UBAP2: variants seen among roughly 807,000 people sequenced by gnomAD.
UBAP2 encodes the protein ubiquitin associated protein 2.
A neutral mutation model predicts 139.6 loss-of-function variants in UBAP2; 75 were observed. The observed-to-expected ratio is 0.54, with a 90% CI of 0.45 to 0.65. UBAP2 has a LOEUF of 0.65. Ranked by LOEUF, UBAP2 falls within the 30% of genes least tolerant of loss-of-function variation. The pLI, the probability that UBAP2 is intolerant of heterozygous loss-of-function variation, is 0.00. For missense variants in UBAP2, 1,368 were observed against 1,369.6 expected (o/e 1.00, Z 0.02); for synonymous variants, 526 against 526.2 (o/e 1.00, Z 0.01).
intron 11 of UBAP2, among the ~76,000 whole-genome samples, chr9:33,954,300 A>ACACACACACACACG (rs1174432443): frequency 6.6e-6 from 1 of 150,642 alleles, no homozygotes; most frequent in African/African-American, 2.5e-5. Flanking sequence ...ACACACACAC[A>ACACACACACACACG]CGCCCATATA....
chr9:34,016,254 G>A (rs71485628), intron 2 of UBAP2, among the ~76,000 whole-genome samples: 56 of 20,608 alleles, frequency 2.7e-3, no homozygotes, highest in Non-Finnish European at 4.1e-3. Context: ...AAGAGGAGGA[G>A]GAGGAAGAGG....
chr9:33,941,956 C>T, intron 15 of UBAP2, 94 bp from the exon 16 acceptor site: 1 of 827,676 alleles, frequency 1.2e-6, no homozygotes, highest in Non-Finnish European at 1.9e-6. Flanking sequence ...GATGCAACTA[C>T]TGCATCAATT....
chr9:34,022,295 C>A (rs1279381614), intron 1 of UBAP2, among the ~76,000 whole-genome samples: 1 of 151,938 alleles, frequency 6.6e-6, no homozygotes, highest in Non-Finnish European at 1.5e-5. Flanking sequence ...TCTGCAATTC[C>A]ATCTTAAGTA....
chr9:33,926,491 T>TG, intron 22 of UBAP2, 126 bp downstream of exon 22: 1 of 1,007,502 alleles, frequency 9.9e-7, no homozygotes, highest in Non-Finnish European at 1.6e-6. Context: ...TTCTCAGTAG[T>TG]GGTGCTGAGA....
intron 11 of UBAP2, among the ~76,000 whole-genome samples, chr9:33,954,269 T>TACAC (rs60078088): frequency 6.5e-4 from 91 of 139,912 alleles, no homozygotes; most frequent in East Asian, 1.2e-3. Context: ...TGTGTGTATA[T>TACAC]ACACACACAC....
At chr9:34,017,608 C>T (rs2131281097) in intron 1 of UBAP2, among the ~76,000 whole-genome samples, 1 of 152,250 alleles carries the variant, frequency 6.6e-6, no homozygotes, top group East Asian at 1.9e-4. Flanking sequence ...AAGCAAAAGT[C>T]AGCTGTAAAT....
intron 6 of UBAP2, among the ~76,000 whole-genome samples, chr9:33,976,875 G>A (rs997524496): frequency 6.6e-6 from 1 of 150,912 alleles, no homozygotes; most frequent in Non-Finnish European, 1.5e-5. Flanking sequence ...AGCCAGACAT[G>A]GTGGCGCATG....
At chr9:33,950,786 A>G (rs1475413952) in intron 12 of UBAP2, among the ~76,000 whole-genome samples, 1 of 152,248 alleles carries the variant, frequency 6.6e-6, no homozygotes, top group Non-Finnish European at 1.5e-5. Flanking sequence ...CAGCGAAATC[A>G]CTGAATCAAT....
chr9:33,986,553 G>T (rs922097994), intron 6 of UBAP2, among the ~76,000 whole-genome samples: 2 of 152,100 alleles, frequency 1.3e-5, no homozygotes, highest in African/African-American at 4.8e-5. Context: ...GGCTTTCTCA[G>T]CTCATCCAAA....
Position 33,927,988 on chromosome 9 carries a change from G to A in UBAP2, c.2180C>T (p.Ala727Val), listed in dbSNP as rs1823618514. 2 of 1,610,122 alleles carry A rather than the reference G, an allele frequency of 1.2e-6. No individual in the cohort carries two copies. Among genetic ancestry groups the A allele is most frequent in the African/African-American group, 2.7e-5 (2 of 74,854 alleles). Residue 727 changes from alanine (A) to valine (V), a missense_variant, in exon 20 of 29, where the codon GCC becomes GTC. Transcript: ENST00000379238. Reference sequence around the variant, plus strand: ...GTGGGAAGAGGCGCTCTCCACACTGGCATGCTGGCAAAAGAAAAGCCAGGA... The same window carrying A: ...GTGGGAAGAGGCGCTCTCCACACTGACATGCTGGCAAAAGAAAAGCCAGGA... ...ALSSSTSHTH[A>V]SVESASSHQS...
chr9:33,926,492 G>A, intron 22 of UBAP2, 125 bp downstream of exon 22: 3 of 1,016,976 alleles, frequency 2.9e-6, no homozygotes, highest in Non-Finnish European at 4.7e-6. Context: ...TCTCAGTAGT[G>A]GTGCTGAGAG....
At chr9:33,932,805 G>T (rs921012703) in intron 18 of UBAP2, among the ~76,000 whole-genome samples, 177 bp from the exon 19 acceptor site, 1 of 152,172 alleles carries the variant, frequency 6.6e-6, no homozygotes, top group South Asian at 2.1e-4. Context: ...CCTGGTGGAC[G>T]GGAATGACTC....
At chr9:33,958,250 C>T (rs1350201656) in intron 10 of UBAP2, among the ~76,000 whole-genome samples, 3 of 152,072 alleles carry the variant, frequency 2.0e-5, no homozygotes, top group Non-Finnish European at 1.5e-5. Flanking sequence ...GCATGAGCCA[C>T]TGTGCCTGCC....
At chr9:33,936,669 T>C (rs886108244) in intron 16 of UBAP2, among the ~76,000 whole-genome samples, 24 of 151,620 alleles carry the variant, frequency 1.6e-4, no homozygotes, top group African/African-American at 5.1e-4. Context: ...ACAAAACAAA[T>C]AAATAAATAA....
At chr9:33,960,207 G>A (rs891150059) in intron 10 of UBAP2, among the ~76,000 whole-genome samples, 5 of 151,998 alleles carry the variant, frequency 3.3e-5, no homozygotes, top group African/African-American at 1.2e-4. Flanking sequence ...TCAGAGTGCT[G>A]TTGTGAGTCA....
intron 1 of UBAP2, among the ~76,000 whole-genome samples, chr9:34,018,033 T>C (rs1029256877): frequency 2.6e-5 from 4 of 152,022 alleles, no homozygotes; most frequent in African/African-American, 9.7e-5. Flanking sequence ...CATCAAAACA[T>C]GATTCTAAGC....
chr9:34,017,911 A>C (rs1391973117), intron 1 of UBAP2, among the ~76,000 whole-genome samples: 1 of 151,874 alleles, frequency 6.6e-6, no homozygotes, highest in African/African-American at 2.4e-5. Flanking sequence ...TTGGCGACAG[A>C]GCGAGACTCC....
chr9:33,939,189 CTTTTT>C (rs72150705), intron 16 of UBAP2, among the ~76,000 whole-genome samples: 2 of 78,582 alleles, frequency 2.5e-5, no homozygotes, highest in Admixed American at 1.7e-4. Flanking sequence ...TTTCCTATGT[CTTTTT>C]TTTTTTTTTT....
intron 1 of UBAP2, among the ~76,000 whole-genome samples, chr9:34,031,815 AG>A (rs1406245037): frequency 6.6e-6 from 1 of 151,560 alleles, no homozygotes; most frequent in Non-Finnish European, 1.5e-5. Flanking sequence ...AAAGAAAAAA[AG>A]AGGATCTATT....
Sources: allele counts gnomAD v4.1 joint callset (sites outside exome capture counted in the v4.1 genomes callset), GRCh38; gene constraint gnomAD v4.1.1; transcripts MANE v1.5; gene names NCBI Gene and HGNC (gene_info 2026-07-23, HGNC 2026-07-21).